Variants in PRRG1 observed in about 807,000 individuals in gnomAD.
PRRG1 encodes transmembrane gamma-carboxyglutamic acid protein 1.
A neutral mutation model predicts 11.8 loss-of-function variants in PRRG1; 5 were observed. The ratio of observed to expected loss-of-function variants is 0.42; its 90% CI spans 0.22 to 0.89. PRRG1 has a LOEUF of 0.89. Ranked by LOEUF, PRRG1 falls within the 40% of genes least tolerant of loss-of-function variation. The pLI is 0.28. For missense variants in PRRG1, 155 were observed against 166.1 expected, an observed-to-expected ratio of 0.93 and a Z score of 0.37; for synonymous variants, 66 against 60.4, an observed-to-expected ratio of 1.09 and a Z score of -0.43.
At chrX:37,446,746 C>G (rs1318901976) in intron 3 of PRRG1, among the ~76,000 whole-genome samples, 1 of 111,702 alleles carries the variant, frequency 9.0e-6, no homozygotes, top group Non-Finnish European at 1.9e-5. Flanking sequence ...TGCTCAGATT[C>G]TGGTGGGGGC....
Position 37,403,827 on chromosome X carries a change from G to A in PRRG1, c.-41-2382G>A, listed in dbSNP as rs142876572. The A allele has an allele frequency of 4.8e-3, 3,126 of 645,059 alleles. 80 individuals are homozygous for A. The African/African-American group carries it at 0.069, about 14-fold the overall frequency. 53.2% of individuals were successfully genotyped at this position (645,059 alleles called of 1,213,427 possible). On this transcript the variant is annotated intron_variant, in intron 1 of 3. Coordinates refer to ENST00000378628, the MANE Select transcript of PRRG1 (RefSeq NM_001142395.2). ...GGGCTTGAGGTGATATGGGTATTAG[G>A]CCTTGAGCCTTTTATCTCTCTAAGA...
chrX:37,402,571 A>G (rs1362393204), intron 1 of PRRG1, among the ~76,000 whole-genome samples: 8 of 111,609 alleles, frequency 7.2e-5, no homozygotes, highest in African/African-American at 1.6e-4. Context: ...ACATAGGCAT[A>G]GGCAAGGACT....
chrX:37,411,991 G>A (rs147339239), intron 2 of PRRG1, among the ~76,000 whole-genome samples: 2,667 of 110,900 alleles, frequency 0.024, 78 homozygotes, highest in African/African-American at 0.082. Flanking sequence ...TTGGAAATAG[G>A]TCTTACCTAC....
At chrX:37,403,372 C>T (rs1329336857) in intron 1 of PRRG1, among the ~76,000 whole-genome samples, 3 of 105,214 alleles carry the variant, frequency 2.9e-5, no homozygotes, top group Non-Finnish European at 5.8e-5. Context: ...AGTAAACTAT[C>T]GCAAGGACAG....
chrX:37,351,511 AAG>A (rs1930067355), intron 1 of PRRG1, among the ~76,000 whole-genome samples: 1 of 111,563 alleles, frequency 9.0e-6, no homozygotes. Context: ...AAAAAAAAGA[AAG>A]AAAGAAAGAA....
rs782733196 is a variant in PRRG1 at position 37,450,384 on chromosome X, G to T, written c.172-2752G>T. Among the ~76,000 whole-genome samples, 36 of 102,752 alleles carry T rather than the reference G, an allele frequency of 3.5e-4. No individual in the cohort carries two copies. In the East Asian group the frequency reaches 9.4e-3, roughly 27 times the overall value. 89.2% of individuals were successfully genotyped at this position (102,752 alleles called of 115,157 possible). A position where few individuals can be genotyped will look rare whatever the true frequency, so the allele number is the denominator to read the frequency against. On this transcript the variant is annotated intron_variant, in intron 3 of 3. Transcript: ENST00000378628. ...TTACTACCTGTAAAATTAAAATCTG[G>T]TTTACTAATTCAGTTTTTGCCTAAG...
intron 3 of PRRG1, among the ~76,000 whole-genome samples, chrX:37,446,505 T>C (rs1205913672): frequency 8.9e-6 from 1 of 111,918 alleles, no homozygotes; most frequent in Non-Finnish European, 1.9e-5. Flanking sequence ...GTAAAATATA[T>C]AAAATGATAT....
intron 1 of PRRG1, among the ~76,000 whole-genome samples, chrX:37,383,209 T>C (rs953979240): frequency 1.8e-5 from 2 of 112,107 alleles, no homozygotes; most frequent in Non-Finnish European, 3.8e-5. Context: ...CCCACACTCA[T>C]GCTTTTATGA....
chrX:37,400,300 A>G (rs1931920125), intron 1 of PRRG1, among the ~76,000 whole-genome samples: 1 of 112,240 alleles, frequency 8.9e-6, no homozygotes. Context: ...CCACAGTGCA[A>G]TCAAACTAGA....
intron 1 of PRRG1, among the ~76,000 whole-genome samples, chrX:37,381,843 C>T: frequency 9.0e-6 from 1 of 111,051 alleles, no homozygotes; most frequent in Non-Finnish European, 1.9e-5. Flanking sequence ...ATCTAGGACA[C>T]CAATTAAGTG....
intron 3 of PRRG1, among the ~76,000 whole-genome samples, chrX:37,444,044 G>C (rs1933031914): frequency 8.9e-6 from 1 of 112,293 alleles, no homozygotes; most frequent in Non-Finnish European, 1.9e-5. Context: ...TTGAACAGTA[G>C]TAAAATATGA....
chrX:37,451,747 T>C (rs781965002), intron 3 of PRRG1, among the ~76,000 whole-genome samples: 1 of 112,225 alleles, frequency 8.9e-6, no homozygotes, highest in African/African-American at 3.2e-5. Context: ...GAGACCTCAT[T>C]CAGGAGTCAT....
At chrX:37,433,596 G>A (rs5963072) in intron 3 of PRRG1, among the ~76,000 whole-genome samples, 17,255 of 105,160 alleles carry the variant, frequency 0.16, 1,825 homozygotes, top group African/African-American at 0.38. Flanking sequence ...TACCTCCCCC[G>A]CCCCATCAGG....
chrX:37,412,447 G>A (rs1932374058), intron 2 of PRRG1, among the ~76,000 whole-genome samples: 1 of 101,751 alleles, frequency 9.8e-6, no homozygotes, highest in South Asian at 4.2e-4. Context: ...GTCTTATAAT[G>A]AAGTGCCTAA....
intron 1 of PRRG1, among the ~76,000 whole-genome samples, chrX:37,370,872 G>A (rs190240515): frequency 1.1e-4 from 12 of 112,089 alleles, no homozygotes; most frequent in African/African-American, 3.9e-4. Flanking sequence ...CTGGCCAGGT[G>A]GGTGCCAACG....
chrX:37,370,456 C>A (rs1930729415), intron 1 of PRRG1, among the ~76,000 whole-genome samples: 1 of 111,834 alleles, frequency 8.9e-6, no homozygotes, highest in Admixed American at 9.4e-5. Context: ...TCCATGGAGC[C>A]AGCAGGGGCT....
chrX:37,447,391 A>G (rs1556395492), intron 3 of PRRG1, among the ~76,000 whole-genome samples: 2 of 112,348 alleles, frequency 1.8e-5, no homozygotes, highest in Non-Finnish European at 3.8e-5. Context: ...TTAACAATGG[A>G]AAGTCTTCCT....
At chrX:37,372,845 G>C (rs1315919985) in intron 1 of PRRG1, among the ~76,000 whole-genome samples, 3 of 112,164 alleles carry the variant, frequency 2.7e-5, no homozygotes, top group Non-Finnish European at 5.6e-5. Context: ...TGTTCTTTTG[G>C]TATCATATTC....
intron 1 of PRRG1, among the ~76,000 whole-genome samples, chrX:37,376,573 G>A (rs868944082): frequency 1.1e-3 from 5 of 4,389 alleles, no homozygotes; most frequent in Non-Finnish European, 7.6e-4. Flanking sequence ...ATATATATAT[G>A]TGCTGAGGAG....
Sources: allele counts gnomAD v4.1 joint callset (sites outside exome capture counted in the v4.1 genomes callset), GRCh38; gene constraint gnomAD v4.1.1; transcripts MANE v1.5; gene names NCBI Gene and HGNC (gene_info 2026-07-23, HGNC 2026-07-21).